DST: variants seen among roughly 807,000 people sequenced by gnomAD.
The protein encoded by DST is bullous pemphigoid antigen.
In DST, 253 loss-of-function variants were observed where a neutral mutation model predicts 875.2. The ratio of observed to expected loss-of-function variants is 0.29; its 90% CI spans 0.26 to 0.32. DST has a LOEUF of 0.32. Ranked by LOEUF, DST falls within the 10% of genes least tolerant of loss-of-function variation. The pLI, the probability that DST is intolerant of heterozygous loss-of-function variation, is 1.00. For synonymous variants in DST, 3,124 were observed against 3,197.1 expected, an observed-to-expected ratio of 0.98 and a Z score of 0.77; for missense variants, 8,287 against 9,111.6, an observed-to-expected ratio of 0.91 and a Z score of 3.68.
chr6:56,492,079 AG>A (rs2095766085), intron 85 of DST, 147 bp downstream of exon 85: 1 of 737,684 alleles, frequency 1.4e-6, no homozygotes, highest in African/African-American at 1.8e-5. Flanking sequence ...CTGAGGCCAC[AG>A]CCCTTTTAGG....
intron 49 of DST, among the ~76,000 whole-genome samples, chr6:56,588,356 C>T (rs1003829193): frequency 7.9e-5 from 12 of 152,158 alleles, no homozygotes; most frequent in Non-Finnish European, 1.2e-4. Context: ...AACCTACCCC[C>T]GCCATCCTGA....
chr6:56,518,922 A>G (rs1037540751), intron 69 of DST, among the ~76,000 whole-genome samples: 2 of 152,206 alleles, frequency 1.3e-5, no homozygotes, highest in African/African-American at 4.8e-5. Flanking sequence ...TTAAAAATTC[A>G]TACTTTAAAA....
At chr6:56,897,738 C>T (rs530346253) in intron 3 of DST, among the ~76,000 whole-genome samples, 3 of 152,276 alleles carry the variant, frequency 2.0e-5, no homozygotes, top group African/African-American at 4.8e-5. Context: ...TGATCTGCAT[C>T]ACCCAAGTTC....
intron 9 of DST, among the ~76,000 whole-genome samples, chr6:56,691,970 T>A (rs1435520831): frequency 6.6e-6 from 1 of 152,212 alleles, no homozygotes; most frequent in East Asian, 1.9e-4. Context: ...GACTGATAAT[T>A]TTACAGTATC....
intron 5 of DST, among the ~76,000 whole-genome samples, chr6:56,720,500 G>A (rs147178060): frequency 5.3e-5 from 8 of 151,908 alleles, no homozygotes; most frequent in South Asian, 2.1e-4. Context: ...AGGTCCCTGC[G>A]GCCTTCTGCA....
At chr6:56,575,521 C>T (rs1280717770) in intron 50 of DST, among the ~76,000 whole-genome samples, 2 of 152,030 alleles carry the variant, frequency 1.3e-5, no homozygotes, top group East Asian at 1.9e-4. Context: ...AAGTGACTTT[C>T]GAAGGAAAGC....
chr6:56,859,528 C>T (rs1306709106), intron 3 of DST, among the ~76,000 whole-genome samples: 2 of 151,776 alleles, frequency 1.3e-5, no homozygotes, highest in Non-Finnish European at 2.9e-5. Context: ...AAATAACTTG[C>T]CTAAAGGAAA....
intron 36 of DST, chr6:56,615,699 C>A: frequency 6.2e-7 from 1 of 1,614,130 alleles, no homozygotes; most frequent in South Asian, 1.1e-5. Flanking sequence ...AGTTTTGTGG[C>A]AATGAGGACA....
chr6:56,528,823 A>T lies in DST; in HGVS notation c.17680+18T>A, dbSNP rs1210494651. 1 of 1,467,040 alleles carries T rather than the reference A, an allele frequency of 6.8e-7. No individual in the cohort carries two copies. The highest frequency in any genetic ancestry group is 9.4e-7 in the Non-Finnish European group (1 of 1,065,800). 90.9% of individuals were successfully genotyped at this position (1,467,040 alleles called of 1,614,324 possible). On this transcript the variant is annotated intron_variant, in intron 67 of 103. Transcript: ENST00000680361. ...AAAATGCTGACCACATGATGATTTGATTTGAAAGATATCTCACCTGTGGTT... is the reference window on the plus strand; with the variant it reads ...AAAATGCTGACCACATGATGATTTGTTTTGAAAGATATCTCACCTGTGGTT...
At chr6:56,715,490 C>A (rs963924407) in intron 5 of DST, among the ~76,000 whole-genome samples, 1 of 152,172 alleles carries the variant, frequency 6.6e-6, no homozygotes, top group Non-Finnish European at 1.5e-5. Flanking sequence ...AACTTTCTAA[C>A]CTTCTCTTGT....
chr6:56,515,298 A>C (rs937412790), intron 72 of DST, among the ~76,000 whole-genome samples, 152 bp downstream of exon 72: 3 of 152,218 alleles, frequency 2.0e-5, no homozygotes, highest in Non-Finnish European at 4.4e-5. Flanking sequence ...CTGTATAAGA[A>C]GCAATTATGA....
intron 4 of DST, among the ~76,000 whole-genome samples, chr6:56,751,387 T>A (rs2099586517): frequency 6.6e-6 from 1 of 152,244 alleles, no homozygotes; most frequent in Non-Finnish European, 1.5e-5. Flanking sequence ...GGTGGTAAGA[T>A]AATCAGTAAT....
chr6:56,821,120 T>C (rs537189898), intron 4 of DST, among the ~76,000 whole-genome samples: 1 of 152,350 alleles, frequency 6.6e-6, no homozygotes, highest in East Asian at 1.9e-4. Flanking sequence ...TAAAATTGTT[T>C]TGACCTTCTG....
At chr6:56,824,060 T>C (rs901924844) in intron 4 of DST, among the ~76,000 whole-genome samples, 1 of 151,938 alleles carries the variant, frequency 6.6e-6, no homozygotes, top group South Asian at 2.1e-4. Flanking sequence ...TGATGCCGAG[T>C]CGAAGCTGGA....
In DST at chr6:56,594,105, T is replaced by C; in HGVS notation, c.12284A>G (p.Tyr4095Cys). 1 of 1,607,246 alleles carries C rather than the reference T, an allele frequency of 6.2e-7. No individual in the cohort carries two copies. The highest frequency in any genetic ancestry group is 8.5e-7 in the Non-Finnish European group (1 of 1,177,836). Residue 4095 changes from tyrosine to cysteine, a missense_variant, in exon 48 of 104, where the codon TAT becomes TGT. Physicochemically the swap from Tyr to Cys is radical, Grantham distance 194 (BLOSUM62 -2). Around this residue, in one of 10 missense-constraint regions of DST, gnomAD observed 1,513 missense variants for 1,677.8 expected, o/e 0.90. Transcript: ENST00000680361. ...TTTCTCTTTTTCTTCAGGAGAGAGA[T>C]ACTGACCCTGTTTCTCAAGCAACAC... ...AQVLLEKQGQ[Y>C]LSPEEKEKLQ...
intron 4 of DST, among the ~76,000 whole-genome samples, chr6:56,829,976 T>G (rs1032760868): frequency 6.6e-6 from 1 of 151,220 alleles, no homozygotes; most frequent in East Asian, 1.9e-4. Context: ...CTAAAATTCA[T>G]AGTGATTAGA....
At chr6:56,464,159 CTG>C (rs1288470200) in intron 100 of DST, 4 of 362,462 alleles carry the variant, frequency 1.1e-5, no homozygotes, top group African/African-American at 8.4e-5. Flanking sequence ...AAGGCAGGGA[CTG>C]TGTCTTTTGC....
intron 61 of DST, among the ~76,000 whole-genome samples, chr6:56,550,237 G>A (rs539433237): frequency 1.8e-4 from 28 of 152,136 alleles, no homozygotes; most frequent in African/African-American, 6.5e-4. Flanking sequence ...TTGTCTACTT[G>A]AAAACTTTTT....
At chr6:56,953,736 A>G in intron 2 of DST, 49 bp downstream of exon 2, 1 of 1,278,574 alleles carries the variant, frequency 7.8e-7, no homozygotes, top group Non-Finnish European at 1.0e-6. Context: ...ATTGGTACTC[A>G]GGAAAGAGAA....
Sources: allele counts gnomAD v4.1 joint callset (sites outside exome capture counted in the v4.1 genomes callset), GRCh38; gene constraint gnomAD v4.1.1; regional missense constraint gnomAD v4.1.1; transcripts MANE v1.5; gene names NCBI Gene and HGNC (gene_info 2026-07-23, HGNC 2026-07-21).